The following ZNF714 variants were observed in gnomAD, a reference collection of about 807,000 sequenced individuals.
ZNF714 encodes zinc finger protein 714.
Under a neutral mutation model 46.2 loss-of-function variants are expected in ZNF714, and 32 were observed. That is an observed-to-expected ratio of 0.69 (90% confidence interval 0.52 to 0.93). ZNF714 has a LOEUF of 0.93. Ranked by LOEUF, ZNF714 falls within the 40% of genes least tolerant of loss-of-function variation. ZNF714 has a pLI of 0.00. For synonymous variants in ZNF714, 199 were observed against 213.1 expected, an observed-to-expected ratio of 0.93 and a Z score of 0.58; for missense variants, 635 against 646.3, an observed-to-expected ratio of 0.98 and a Z score of 0.19.
In ZNF714 at chr19:21,117,770, A is replaced by G; in HGVS notation, c.1106A>G (p.Tyr369Cys). 6.2e-7 allele frequency: 1 copy of G among 1,613,630 alleles called. No individual in the cohort carries two copies. The highest frequency in any genetic ancestry group is 2.2e-5 in the East Asian group (1 of 44,820). Residue 369 changes from tyrosine to cysteine, a missense_variant, in exon 5 of 5, where the codon TAC (tyrosine) becomes TGC (cysteine). Physicochemically the swap from Tyr to Cys is radical, Grantham distance 194. Coordinates refer to ENST00000456283, the MANE Select transcript of ZNF714 (RefSeq NM_182515.4). ...HKMIHTGEKP[Y>C]KCEECGKAFN... ...ATGATTCATACTGGAGAGAAACCCT[A>G]CAAATGTGAAGAATGTGGCAAAGCC...
Position 21,082,495 on chromosome 19 carries a change from C to T in ZNF714, c.-177+147C>T. The T allele has an allele frequency of 5.0e-6, 4 of 794,250 alleles. No homozygotes were observed. The East Asian group carries it at 1.3e-4, about 27-fold the overall frequency. 49.2% of individuals were successfully genotyped at this position (794,250 alleles called of 1,614,324 possible). A position where few individuals can be genotyped will look rare whatever the true frequency, so the allele number is the denominator to read the frequency against. On this transcript the variant is annotated intron_variant, in intron 1 of 4. Transcript: ENST00000456283. ...TCCTTGCTCAGCTCGGCCTCAGTCC[C>T]CTTCAGCCATAAGATGGCGGCTGCG...
At chr19:21,095,968 T>C (rs1225542444) in intron 2 of ZNF714, among the ~76,000 whole-genome samples, 1 of 152,148 alleles carries the variant, frequency 6.6e-6, no homozygotes, top group East Asian at 1.9e-4. Context: ...CATATGACTC[T>C]ATGGTGAGGC....
At chr19:21,097,060 G>T (rs372085048) in intron 2 of ZNF714, among the ~76,000 whole-genome samples, 156 of 152,034 alleles carry the variant, frequency 1.0e-3, no homozygotes, top group African/African-American at 3.5e-3. Flanking sequence ...TAGAGACGGG[G>T]TTTCACTGTG....
chr19:21,115,458 T>G (rs1969572114), intron 4 of ZNF714, among the ~76,000 whole-genome samples: 1 of 152,076 alleles, frequency 6.6e-6, no homozygotes, highest in African/African-American at 2.4e-5. Context: ...TTAGGGCATA[T>G]GAAGTGCCAA....
At chr19:21,095,616 C>T (rs868086997) in intron 2 of ZNF714, among the ~76,000 whole-genome samples, 1 of 151,970 alleles carries the variant, frequency 6.6e-6, no homozygotes, top group Non-Finnish European at 1.5e-5. Flanking sequence ...GCGCCCGCCA[C>T]GACACCCAGC....
At chr19:21,113,150 C>T (rs919762712) in intron 4 of ZNF714, 1 of 152,306 alleles carries the variant, frequency 6.6e-6, no homozygotes, top group South Asian at 2.1e-4. Context: ...CCGGTATTCC[C>T]AGGTGGTCTC....
At position 21,116,824 on chromosome 19, in the gene ZNF714, A is replaced by T. The variant is rs1280483207; in HGVS notation, c.160A>T (p.Thr54Ser). 1 of 1,595,158 alleles carries T rather than the reference A, an allele frequency of 6.3e-7. No individual in the cohort carries two copies. Among genetic ancestry groups the T allele is most frequent in the African/African-American group, 1.4e-5 (1 of 73,734 alleles). The change falls in exon 5 of 5, where the codon ACC (threonine) becomes TCC (serine). Residue 54 changes from threonine (T) to serine (S), a missense_variant. By Grantham distance (58) the Thr-to-Ser change is moderately conservative. Transcript: ENST00000456283. The stretch of plus-strand genomic sequence containing the variant: ...TCTTTCAGCTATGTGTTCTTCTTTT[A>T]CCAGAGACCTTTGGCCAGAGCAAGA... Reference protein sequence around the residue: ...DESPAMCSSFTRDLWPEQDIK... With the variant: ...DESPAMCSSFSRDLWPEQDIK...
chr19:21,105,923 C>T (rs974495939), intron 4 of ZNF714, among the ~76,000 whole-genome samples: 3 of 151,954 alleles, frequency 2.0e-5, no homozygotes, highest in Admixed American at 6.6e-5. Context: ...CCACTGCACT[C>T]CAGCCTTGGT....
intron 2 of ZNF714, among the ~76,000 whole-genome samples, chr19:21,090,020 A>G (rs1344123767): frequency 6.6e-6 from 1 of 152,244 alleles, no homozygotes; most frequent in Non-Finnish European, 1.5e-5. Flanking sequence ...ATCTTTTTCT[A>G]TTCTGGCCAT....
At chr19:21,098,652 A>C (rs1470539595) in intron 3 of ZNF714, among the ~76,000 whole-genome samples, 160 bp from the exon 4 acceptor site, 1 of 152,174 alleles carries the variant, frequency 6.6e-6, no homozygotes, top group Non-Finnish European at 1.5e-5. Context: ...AGGACCTACA[A>C]ATTTAAAATA....
chr19:21,107,976 T>C (rs900962136), intron 4 of ZNF714, among the ~76,000 whole-genome samples: 2 of 152,180 alleles, frequency 1.3e-5, no homozygotes, highest in Non-Finnish European at 2.9e-5. Flanking sequence ...CATGCTGGAG[T>C]ACATTGACAT....
chr19:21,119,400 T>TA lies in ZNF714; in HGVS notation c.*1078dup, dbSNP rs139038996. 11,565 of 159,532 alleles carry TA rather than the reference T, an allele frequency of 0.072. 462 individuals are homozygous for TA. The highest frequency in any genetic ancestry group is 0.087 in the Non-Finnish European group (6,335 of 73,148). 9.9% of individuals were successfully genotyped at this position (159,532 alleles called of 1,614,324 possible). A position where few individuals can be genotyped will look rare whatever the true frequency, so the allele number is the denominator to read the frequency against. ...ACAGAGCAAGACTCCATCTAAAAAG[T>TA]AAAAAAAAAAGAAAATATGAACTTT... is the stretch of plus-strand genomic sequence containing the variant. On this transcript the variant is annotated 3_prime_UTR_variant, in exon 5 of 5. Transcript: ENST00000456283.
chr19:21,099,245 C>G (rs568081173), intron 4 of ZNF714, among the ~76,000 whole-genome samples: 8 of 152,148 alleles, frequency 5.3e-5, no homozygotes, highest in Non-Finnish European at 8.8e-5. Flanking sequence ...GTAGCGTGAT[C>G]TCAACTCACT....
intron 4 of ZNF714, chr19:21,109,589 T>A (rs529455330): frequency 1.5e-4 from 34 of 227,074 alleles, no homozygotes; most frequent in South Asian, 7.2e-4. Flanking sequence ...GTTTTTTTTT[T>A]AATTTAATTT....
chr19:21,096,892 A>G (rs1359594685), intron 2 of ZNF714, among the ~76,000 whole-genome samples: 1 of 152,140 alleles, frequency 6.6e-6, no homozygotes, highest in African/African-American at 2.4e-5. Flanking sequence ...TTTGAGACAG[A>G]GTCTCGCTCT....
At chr19:21,102,728 G>A (rs1969211772) in intron 4 of ZNF714, among the ~76,000 whole-genome samples, 1 of 151,912 alleles carries the variant, frequency 6.6e-6, no homozygotes, top group Non-Finnish European at 1.5e-5. Flanking sequence ...CACAAATATT[G>A]TAGTTATCCA....
chr19:21,098,078 A>AAT, intron 2 of ZNF714, 107 bp from the exon 3 acceptor site: 3 of 1,450,312 alleles, frequency 2.1e-6, no homozygotes, highest in Non-Finnish European at 2.8e-6. Context: ...TATTCTTATA[A>AAT]GTCAACCAAT....
chr19:21,102,095 G>A (rs1422640145), intron 4 of ZNF714, among the ~76,000 whole-genome samples: 4 of 149,916 alleles, frequency 2.7e-5, no homozygotes, highest in Non-Finnish European at 6.0e-5. Flanking sequence ...ATACCTGGCT[G>A]TCTCATAAAG....
At chr19:21,085,889 A>AG (rs1968767934) in intron 2 of ZNF714, among the ~76,000 whole-genome samples, 1 of 151,886 alleles carries the variant, frequency 6.6e-6, no homozygotes, top group Admixed American at 6.6e-5. Flanking sequence ...TGTAAAAAAA[A>AG]AAAAAAGAAT....
Sources: gnomAD v4.1 joint callset for allele counts (sites outside exome capture counted in the v4.1 genomes callset) on GRCh38, gnomAD v4.1.1 for gene constraint, MANE v1.5 for transcripts, NCBI Gene and HGNC (gene_info 2026-07-23, HGNC 2026-07-21) for gene names.